The following C7orf57 variants were observed in gnomAD, a reference collection of about 807,000 sequenced individuals.
C7orf57 encodes uncharacterized protein C7orf57.
C7orf57 carries 33 observed loss-of-function variants against 39.0 expected under a neutral mutation model. The ratio of observed to expected loss-of-function variants is 0.85; its 90% confidence interval spans 0.64 to 1.13. C7orf57 has a LOEUF of 1.13. Ranked by LOEUF, C7orf57 falls within the 50% of genes most tolerant of loss-of-function variation. C7orf57 has a pLI of 0.00. For missense variants in C7orf57, 346 were observed against 362.3 expected, an observed-to-expected ratio of 0.95 and a Z score of 0.37; for synonymous variants, 124 against 137.1, an observed-to-expected ratio of 0.90 and a Z score of 0.67.
At chr7:48,037,432 G>C (rs923311877) in intron 2 of C7orf57, among the ~76,000 whole-genome samples, 1 of 152,110 alleles carries the variant, frequency 6.6e-6, no homozygotes, top group South Asian at 2.1e-4. Flanking sequence ...TTCGTAAGTG[G>C]CTCCACAGCT....
intron 8 of C7orf57, among the ~76,000 whole-genome samples, chr7:48,055,880 G>A (rs1208706559): frequency 1.3e-5 from 2 of 152,126 alleles, no homozygotes; most frequent in Non-Finnish European, 2.9e-5. Flanking sequence ...TGGCCAGTGA[G>A]GTTGATTCCA....
chr7:48,048,473 CT>C lies in C7orf57; in HGVS notation c.508-1399del, dbSNP rs113095338. 1.3e-3 allele frequency among the ~76,000 whole-genome samples: 202 copies of C among 152,224 alleles called. 1 individual carries two copies. The highest frequency in any genetic ancestry group is 4.7e-3 in the African/African-American group (194 of 41,536). ...ACAGGGTGATCGGGGGATCTTGTTT[CT>C]TTTTTTTGAAAAGCCATCTTTTCTT... On this transcript the variant is annotated intron_variant, in intron 5 of 8. Coordinates refer to ENST00000348904, the MANE Select transcript of C7orf57 (RefSeq NM_001100159.3).
intron 5 of C7orf57, 124 bp from the exon 6 acceptor site, chr7:48,049,756 T>G: frequency 1.5e-6 from 1 of 666,542 alleles, no homozygotes; most frequent in East Asian, 2.8e-5. Flanking sequence ...TTGTGAGCAT[T>G]TACAATGACC....
At chr7:48,042,768 C>T (rs1001462738) in intron 3 of C7orf57, among the ~76,000 whole-genome samples, 2 of 152,118 alleles carry the variant, frequency 1.3e-5, no homozygotes, top group Non-Finnish European at 2.9e-5. Context: ...ACAGGCACTG[C>T]TATCATTTTG....
At chr7:48,056,485 G>A (rs543076902) in intron 8 of C7orf57, among the ~76,000 whole-genome samples, 1 of 152,044 alleles carries the variant, frequency 6.6e-6, no homozygotes, top group Admixed American at 6.5e-5. Context: ...TGTTACTTGG[G>A]CTTTTGGTGT....
intron 6 of C7orf57, 61 bp downstream of exon 6, chr7:48,050,038 T>G: frequency 8.9e-7 from 1 of 1,129,814 alleles, no homozygotes; most frequent in East Asian, 2.4e-5. Context: ...CTTCCGTCTT[T>G]CATCCGGTGA....
rs776709530 is a variant in C7orf57 at position 48,035,885 on chromosome 7, G to T, written c.-102+255G>T. 6.6e-6 allele frequency among the ~76,000 whole-genome samples: 1 copy of T among 151,678 alleles called. No homozygotes were observed. The highest frequency in any genetic ancestry group is 1.5e-5 in the Non-Finnish European group (1 of 67,920). ...GACGTGCCTGTACTGGATACCCGGC[G>T]TGACGTGCCCCCTCTGTGTGCCCCG... On this transcript the variant is annotated intron_variant, in intron 1 of 8. Transcript: ENST00000348904. This position sits in a 1 kb window ranked among gnomAD's most constrained non-coding sequence, Gnocchi z 4.0.
intron 8 of C7orf57, among the ~76,000 whole-genome samples, chr7:48,057,805 G>A (rs984643406): frequency 6.6e-6 from 1 of 151,996 alleles, no homozygotes; most frequent in Non-Finnish European, 1.5e-5. Flanking sequence ...TGCTTAATTT[G>A]TTGAGAGTTT....
At chr7:48,051,044 G>A (rs1372860994) in intron 6 of C7orf57, among the ~76,000 whole-genome samples, 2 of 152,122 alleles carry the variant, frequency 1.3e-5, no homozygotes, top group Non-Finnish European at 2.9e-5. Context: ...GTGTGGGTCA[G>A]GATAAGATAT....
intron 8 of C7orf57, among the ~76,000 whole-genome samples, chr7:48,059,069 G>A (rs985653088): frequency 3.3e-5 from 5 of 152,170 alleles, no homozygotes; most frequent in Non-Finnish European, 7.3e-5. Context: ...TAGCTGAGGC[G>A]GGGGTCACTA....
At chr7:48,058,953 C>T (rs962043096) in intron 8 of C7orf57, among the ~76,000 whole-genome samples, 1 of 152,124 alleles carries the variant, frequency 6.6e-6, no homozygotes, top group African/African-American at 2.4e-5. Context: ...TTTGAAGAAA[C>T]CTTTTAACGT....
Position 48,040,533 on chromosome 7 carries a change from C to T in C7orf57, c.56-801C>T, listed in dbSNP as rs944597672. On this transcript the variant is annotated intron_variant, in intron 2 of 8. Transcript: ENST00000348904. Reference sequence around the variant, plus strand: ...AGACCTCTGGCCACCTTTCACAGCCCTCTTTGGCCTCAGGCATGAGCAAAG... The same window carrying T: ...AGACCTCTGGCCACCTTTCACAGCCTTCTTTGGCCTCAGGCATGAGCAAAG... Among the ~76,000 whole-genome samples the T allele has an allele frequency of 2.6e-5, 4 of 152,218 alleles. No homozygotes were observed. In the East Asian group the frequency reaches 7.7e-4, roughly 29 times the overall value.
intron 2 of C7orf57, among the ~76,000 whole-genome samples, chr7:48,039,830 CCT>C (rs1491100718): frequency 2.1e-5 from 1 of 47,478 alleles, no homozygotes; most frequent in Non-Finnish European, 4.2e-5. Context: ...ACATACTGCC[CCT>C]GTGACAGTAC....
chr7:48,053,451 T>TTTTA (rs1317166545), intron 7 of C7orf57, among the ~76,000 whole-genome samples: 1 of 151,810 alleles, frequency 6.6e-6, no homozygotes, highest in South Asian at 2.1e-4. Flanking sequence ...TAATATTTTA[T>TTTTA]TTTATTTATT....
rs1164142638 is a variant in C7orf57 at position 48,035,604 on chromosome 7, G to C, written c.-128G>C. On this transcript the variant is annotated 5_prime_UTR_variant, in exon 1 of 9. Coordinates refer to ENST00000348904, the MANE Select transcript of C7orf57 (RefSeq NM_001100159.3). This position sits in a 1 kb window ranked among gnomAD's most constrained non-coding sequence, Gnocchi z 4.0. ...ACTCCAACGCCGGGCGCCGCGGGCA[G>C]CACCCACGGAGACCCGCGGGGAGCT... 3 of 692,600 alleles carry C rather than the reference G, an allele frequency of 4.3e-6. No individual in the cohort carries two copies. The African/African-American group carries it at 5.4e-5, about 12-fold the overall frequency. The allele number at this position is 692,600 out of a possible 1,614,324, so 42.9% of individuals were successfully genotyped here.
intron 3 of C7orf57, 192 bp downstream of exon 3, chr7:48,041,711 G>A (rs917291877): frequency 1.5e-5 from 6 of 389,636 alleles, no homozygotes; most frequent in Non-Finnish European, 2.7e-5. Flanking sequence ...TATGATGCTA[G>A]AATAAATAGG....
chr7:48,047,635 TG>T (rs1432063995), intron 5 of C7orf57, among the ~76,000 whole-genome samples: 1 of 152,250 alleles, frequency 6.6e-6, no homozygotes, highest in African/African-American at 2.4e-5. Flanking sequence ...ATTCAGATTT[TG>T]GGTTGTTTCC....
chr7:48,053,529 G>A lies in C7orf57; in HGVS notation c.829+606G>A, dbSNP rs1338572514. 2.0e-5 allele frequency among the ~76,000 whole-genome samples: 3 copies of A among 152,150 alleles called. No individual in the cohort carries two copies. In the South Asian group the frequency reaches 6.2e-4, roughly 32 times the overall value. On this transcript the variant is annotated intron_variant, in intron 7 of 8. Transcript: ENST00000348904. ...TGAAGTGGCACAATCACAGATCACTGTAGCCTCAACCTCCTGGGCTCAAGC... is the reference window on the plus strand; with the variant it reads ...TGAAGTGGCACAATCACAGATCACTATAGCCTCAACCTCCTGGGCTCAAGC...
In C7orf57 at chr7:48,052,936, CA is replaced by C. The variant is rs1290444030; in HGVS notation, c.829+14del. ...GAGGACACCCCAGGTGAGGCACAAGCAGCCATCTGCATTTATTGGAGGCTTG... is the reference window on the plus strand; with the variant it reads ...GAGGACACCCCAGGTGAGGCACAAGCGCCATCTGCATTTATTGGAGGCTTG... On this transcript the variant is annotated intron_variant, in intron 7 of 8. Transcript: ENST00000348904. 1.9e-6 allele frequency: 3 copies of C among 1,590,770 alleles called. No homozygotes were observed. The highest frequency in any genetic ancestry group is 1.7e-4 in the Middle Eastern group (1 of 6,028).
Sources: gnomAD v4.1 joint callset for allele counts (sites outside exome capture counted in the v4.1 genomes callset) on GRCh38, gnomAD v4.1.1 for gene constraint, Gnocchi (gnomAD v3.1) non-coding constraint, MANE v1.5 for transcripts, NCBI Gene and HGNC (gene_info 2026-07-23, HGNC 2026-07-21) for gene names.